Variants in EYA3 observed in about 807,000 individuals in gnomAD.
EYA3 encodes the protein EYA transcriptional coactivator and phosphatase 3, also known as protein phosphatase EYA3.
EYA3 carries 39 observed loss-of-function variants against 80.0 expected under a neutral mutation model. The ratio of observed to expected loss-of-function variants is 0.49; its 90% CI spans 0.38 to 0.64. EYA3 has a LOEUF of 0.64. Among genes scored for constraint, EYA3 ranks in the 30% least tolerant of loss-of-function variants. The pLI is 0.00. For synonymous variants in EYA3, 206 were observed against 232.8 expected, an observed-to-expected ratio of 0.88 and a Z score of 1.05; for missense variants, 523 against 676.1, an observed-to-expected ratio of 0.77 and a Z score of 2.51.
chr1:27,978,917 A>G (rs547282768), intron 16 of EYA3, among the ~76,000 whole-genome samples: 1 of 152,330 alleles, frequency 6.6e-6, no homozygotes, highest in East Asian at 1.9e-4. Flanking sequence ...AGCCGAGATC[A>G]TGCCATCGCA....
At chr1:28,035,883 C>A (rs908389695) in intron 5 of EYA3, among the ~76,000 whole-genome samples, 1 of 152,056 alleles carries the variant, frequency 6.6e-6, no homozygotes. Flanking sequence ...GGCATGATCT[C>A]AACTCATTGC....
At chr1:28,081,294 T>G (rs975095349) in intron 1 of EYA3, among the ~76,000 whole-genome samples, 2 of 152,224 alleles carry the variant, frequency 1.3e-5, no homozygotes, top group Non-Finnish European at 2.9e-5. Flanking sequence ...TGTGAAGCTC[T>G]AGTTCTCACT....
chr1:28,035,450 C>T lies in EYA3; in HGVS notation c.361+94G>A. On this transcript the variant is annotated intron_variant, in intron 6 of 17. Coordinates refer to ENST00000373871, the MANE Select transcript of EYA3 (RefSeq NM_001990.4). Reference sequence around the variant, plus strand: ...GTTGCATACCCAACCACATATGTAACTAAGTGCTTTGTAAAGAATGATGCA... The same window carrying T: ...GTTGCATACCCAACCACATATGTAATTAAGTGCTTTGTAAAGAATGATGCA... 8 of 1,390,194 alleles carry T rather than the reference C, an allele frequency of 5.8e-6. No homozygotes were observed. The South Asian group carries it at 1.1e-4, about 20-fold the overall frequency. 86.1% of individuals were successfully genotyped at this position (1,390,194 alleles called of 1,614,324 possible).
At chr1:27,984,369 A>T (rs1021571775) in intron 16 of EYA3, among the ~76,000 whole-genome samples, 1 of 151,964 alleles carries the variant, frequency 6.6e-6, no homozygotes, top group Admixed American at 6.6e-5. Context: ...TAAAAGTTCC[A>T]TGCAATCAAT....
rs1243766535 is a variant in EYA3, at chr1:28,013,569, T to C, written c.586-275A>G. 1.3e-5 allele frequency among the ~76,000 whole-genome samples: 2 copies of C among 152,170 alleles called. No homozygotes were observed. Among genetic ancestry groups the C allele is most frequent in the Non-Finnish European group, 2.9e-5 (2 of 68,038 alleles). The stretch of plus-strand genomic sequence containing the variant: ...TGTACTCTCATAAACATACACATGG[T>C]GTCCCTTTTTGTACTCTAACAGCCT... On this transcript the variant is annotated intron_variant, in intron 8 of 17. Transcript: ENST00000373871. This position sits in a 1 kb window ranked among gnomAD's most constrained non-coding sequence, Gnocchi z 4.0.
At chr1:27,976,981 G>A in intron 17 of EYA3, 1 of 980,328 alleles carries the variant, frequency 1.0e-6, no homozygotes, top group African/African-American at 1.7e-5. Flanking sequence ...GCCTCCCCAA[G>A]TGCTAGGATT....
intron 1 of EYA3, among the ~76,000 whole-genome samples, chr1:28,084,180 A>C (rs1338634933): frequency 6.6e-6 from 1 of 152,148 alleles, no homozygotes; most frequent in Non-Finnish European, 1.5e-5. Context: ...GGAAAACAGC[A>C]AAGACAAATT....
At chr1:28,046,082 T>C (rs887711978) in intron 3 of EYA3, among the ~76,000 whole-genome samples, 5 of 152,186 alleles carry the variant, frequency 3.3e-5, no homozygotes, top group Admixed American at 1.3e-4. Context: ...AGAATGGTGG[T>C]TGCCAGGAGC....
chr1:28,002,806 T>C (rs1640967156), intron 11 of EYA3, among the ~76,000 whole-genome samples: 1 of 150,990 alleles, frequency 6.6e-6, no homozygotes, highest in African/African-American at 2.4e-5. Flanking sequence ...AGCGAGATAT[T>C]ATCTCAGGAG....
At chr1:28,084,914 T>C (rs1478400590) in intron 1 of EYA3, among the ~76,000 whole-genome samples, 2 of 152,036 alleles carry the variant, frequency 1.3e-5, no homozygotes, top group African/African-American at 4.8e-5. Context: ...ATTTCTATTT[T>C]GAACTATTCT....
chr1:28,046,134 A>G (rs1046635239), intron 3 of EYA3, among the ~76,000 whole-genome samples: 1 of 152,178 alleles, frequency 6.6e-6, no homozygotes, highest in Non-Finnish European at 1.5e-5. Context: ...TGAACATGGA[A>G]TTTCAGTTTG....
chr1:27,996,704 T>A (rs1191705178), intron 13 of EYA3, among the ~76,000 whole-genome samples: 1 of 152,214 alleles, frequency 6.6e-6, no homozygotes, highest in Admixed American at 6.5e-5. Context: ...TAAAAAGGGA[T>A]AAACATTCAA....
intron 3 of EYA3, among the ~76,000 whole-genome samples, chr1:28,043,543 A>T (rs1247325310): frequency 6.6e-6 from 1 of 152,168 alleles, no homozygotes; most frequent in African/African-American, 2.4e-5. Flanking sequence ...AGTGTTTTCA[A>T]ATTACACGTT....
chr1:28,001,949 CTT>C (rs879337409), intron 11 of EYA3, among the ~76,000 whole-genome samples: 7 of 149,942 alleles, frequency 4.7e-5, no homozygotes, highest in Non-Finnish European at 8.9e-5. Flanking sequence ...GAATTTCGCT[CTT>C]GTTGCCCAGG....
intron 1 of EYA3, among the ~76,000 whole-genome samples, chr1:28,075,054 T>C (rs1457052111): frequency 6.6e-6 from 1 of 152,216 alleles, no homozygotes; most frequent in Non-Finnish European, 1.5e-5. Flanking sequence ...CCTAACTACA[T>C]GTGTTAGGGC....
intron 10 of EYA3, among the ~76,000 whole-genome samples, chr1:28,010,561 A>T (rs1170379912): frequency 6.6e-6 from 1 of 151,884 alleles, no homozygotes; most frequent in East Asian, 1.9e-4. Flanking sequence ...GTATATATAT[A>T]TTTTTAGAGA....
chr1:28,024,786 T>C (rs1642674899), intron 7 of EYA3, among the ~76,000 whole-genome samples: 3 of 152,082 alleles, frequency 2.0e-5, no homozygotes, highest in Admixed American at 2.0e-4. Context: ...AGTCACAAGA[T>C]ACTCTAGGAA....
intron 1 of EYA3, among the ~76,000 whole-genome samples, chr1:28,064,431 CAAA>C (rs35425305): frequency 1.6e-5 from 2 of 127,608 alleles, no homozygotes; most frequent in Non-Finnish European, 3.3e-5. Context: ...GACTCTGCCT[CAAA>C]AAAAAAAAAA....
intron 16 of EYA3, 95 bp from the exon 17 acceptor site, chr1:27,978,569 G>A: frequency 1.0e-6 from 1 of 975,840 alleles, no homozygotes. Context: ...CCTGTGCTTA[G>A]GTGGACTAAG....
Sources: gnomAD v4.1 joint callset for allele counts (sites outside exome capture counted in the v4.1 genomes callset) on GRCh38, gnomAD v4.1.1 for gene constraint, Gnocchi (gnomAD v3.1) non-coding constraint, MANE v1.5 for transcripts, NCBI Gene and HGNC (gene_info 2026-07-23, HGNC 2026-07-21) for gene names.